The following CAST variants were observed in gnomAD, a reference collection of about 807,000 sequenced individuals.
CAST encodes MIR583 host.
Under a neutral mutation model 119.6 loss-of-function variants are expected in CAST, and 76 were observed. The ratio of observed to expected loss-of-function variants is 0.64; its 90% CI spans 0.53 to 0.77. The LOEUF is 0.77. Among genes scored for constraint, CAST ranks in the 30% least tolerant of loss-of-function variants. The pLI is 0.00. For synonymous variants in CAST, 319 were observed against 331.6 expected, an observed-to-expected ratio of 0.96 and a Z score of 0.41; for missense variants, 953 against 946.5, an observed-to-expected ratio of 1.01 and a Z score of -0.09.
At chr5:96,577,196 T>C (rs1746687907) in intron 1 of CAST, among the ~76,000 whole-genome samples, 1 of 152,190 alleles carries the variant, frequency 6.6e-6, no homozygotes. Flanking sequence ...AGTTGTTAAA[T>C]ATATGATCAT....
At chr5:96,689,968 G>T (rs1463061250) in intron 2 of CAST, among the ~76,000 whole-genome samples, 2 of 152,066 alleles carry the variant, frequency 1.3e-5, no homozygotes, top group African/African-American at 2.4e-5. Flanking sequence ...CCCTTTGTAG[G>T]TAGGAGATGA....
intron 9 of CAST, among the ~76,000 whole-genome samples, chr5:96,731,925 G>C (rs142703831): frequency 6.4e-4 from 97 of 152,234 alleles, no homozygotes; most frequent in African/African-American, 2.0e-3. Flanking sequence ...GGGTTGGTTC[G>C]AAGTCTTTGC....
chr5:96,384,132 T>C, the CAST span, among the ~76,000 whole-genome samples: 1 of 152,154 alleles, frequency 6.6e-6, no homozygotes, highest in South Asian at 2.1e-4. Flanking sequence ...GAGGTATCTC[T>C]TCTCTGCACC....
At chr5:96,061,953 T>G in the CAST span, among the ~76,000 whole-genome samples, 1 of 152,098 alleles carries the variant, frequency 6.6e-6, no homozygotes, top group Non-Finnish European at 1.5e-5. Context: ...TCCATTCCCA[T>G]TATGCAGTCT....
the CAST span, among the ~76,000 whole-genome samples, chr5:96,360,915 G>T: frequency 6.6e-6 from 1 of 152,218 alleles, no homozygotes; most frequent in Non-Finnish European, 1.5e-5. Context: ...GTTTAAGTCT[G>T]CTGAAACTGC....
chr5:96,113,239 T>C, the CAST span, among the ~76,000 whole-genome samples: 5 of 152,182 alleles, frequency 3.3e-5, no homozygotes, highest in African/African-American at 7.2e-5. Context: ...GTCCTTCACC[T>C]AAAATGCACC....
the CAST span, among the ~76,000 whole-genome samples, chr5:96,390,088 T>G: frequency 6.6e-6 from 1 of 152,304 alleles, no homozygotes. Flanking sequence ...TCTGTTTAGT[T>G]TAGTTTAGAT....
At chr5:96,498,664 T>C in the CAST span, among the ~76,000 whole-genome samples, 1 of 152,228 alleles carries the variant, frequency 6.6e-6, no homozygotes, top group Non-Finnish European at 1.5e-5. Flanking sequence ...ACCATTTTAT[T>C]TGTGGTAAAT....
the CAST span, among the ~76,000 whole-genome samples, chr5:95,965,937 T>C: frequency 0.026 from 3,895 of 152,284 alleles, 169 homozygotes; most frequent in African/African-American, 0.088. Context: ...TTATTATTAT[T>C]ATCATCATCA....
At chr5:96,257,506 G>C in the CAST span, among the ~76,000 whole-genome samples, 1 of 152,178 alleles carries the variant, frequency 6.6e-6, no homozygotes, top group Non-Finnish European at 1.5e-5. Flanking sequence ...TAAAAGGCAA[G>C]ATTGCTGAAT....
chr5:96,241,557 A>G, the CAST span, among the ~76,000 whole-genome samples: 2 of 149,088 alleles, frequency 1.3e-5, no homozygotes, highest in Admixed American at 1.3e-4. Flanking sequence ...AGCATGATTT[A>G]TAGTCCTTTG....
At chr5:96,381,962 C>T in the CAST span, among the ~76,000 whole-genome samples, 4 of 152,104 alleles carry the variant, frequency 2.6e-5, no homozygotes, top group Non-Finnish European at 5.9e-5. Flanking sequence ...CAACTGATGG[C>T]ATATAATGTG....
intron 1 of CAST, among the ~76,000 whole-genome samples, chr5:96,544,992 A>G (rs184538932): frequency 6.6e-6 from 1 of 152,328 alleles, no homozygotes; most frequent in East Asian, 1.9e-4. Flanking sequence ...CTTCAGAACA[A>G]TTAAGATTAT....
chr5:96,621,510 C>T (rs3853207), intron 1 of CAST, among the ~76,000 whole-genome samples: 1,898 of 152,240 alleles, frequency 0.012, 43 homozygotes, highest in African/African-American at 0.043. Flanking sequence ...TGTCTCATAT[C>T]GCAGCAGGAG....
At chr5:96,335,525 T>C in the CAST span, among the ~76,000 whole-genome samples, 1 of 152,180 alleles carries the variant, frequency 6.6e-6, no homozygotes, top group Non-Finnish European at 1.5e-5. Flanking sequence ...TTACCTACCT[T>C]TCTGTTTTAG....
the CAST span, among the ~76,000 whole-genome samples, chr5:96,289,954 A>G: frequency 6.6e-6 from 1 of 151,918 alleles, no homozygotes; most frequent in Non-Finnish European, 1.5e-5. Flanking sequence ...AAAAAACAGA[A>G]TTGACTAAAT....
chr5:96,022,371 A>T, the CAST span, among the ~76,000 whole-genome samples: 1 of 152,238 alleles, frequency 6.6e-6, no homozygotes, highest in South Asian at 2.1e-4. Context: ...GAAATTTGAG[A>T]TCTTGCCTAG....
rs137909753 is a variant in CAST at position 96,622,151 on chromosome 5, G to A, written c.61-53388G>A. Among the ~76,000 whole-genome samples the A allele has an allele frequency of 8.2e-3, 1,237 of 151,758 alleles. 14 individuals carry two copies. The highest frequency in any genetic ancestry group is 0.029 in the African/African-American group (1,182 of 41,354). ...CACCTGGCTAGTTTTTGTATTTTTA[G>A]TAGAGACGGGGTTTCACCATGTTGG... On this transcript the variant is annotated intron_variant, in intron 1 of 11. Coordinates refer to the CAST transcript ENST00000505143.
At chr5:96,590,798 G>A (rs1048727442) in intron 1 of CAST, among the ~76,000 whole-genome samples, 1 of 152,110 alleles carries the variant, frequency 6.6e-6, no homozygotes, top group East Asian at 1.9e-4. Flanking sequence ...TGGAAAAATA[G>A]TTCTTGGCTG....
Sources: gnomAD v4.1 joint callset for allele counts (sites outside exome capture counted in the v4.1 genomes callset) on GRCh38, gnomAD v4.1.1 for gene constraint, MANE v1.5 for transcripts, NCBI Gene and HGNC (gene_info 2026-07-23, HGNC 2026-07-21) for gene names.